FOXN4: variants seen among roughly 807,000 people sequenced by gnomAD.
FOXN4 encodes the protein forkhead box protein N4.
A neutral mutation model predicts 45.0 loss-of-function variants in FOXN4; 12 were observed. The observed-to-expected ratio is 0.27, with a 90% CI of 0.17 to 0.43. The LOEUF (loss-of-function observed/expected upper bound fraction) is 0.43. Among genes scored for constraint, FOXN4 ranks in the 20% least tolerant of loss-of-function variants. FOXN4 has a pLI of 1.00. For missense variants in FOXN4, 560 were observed against 694.9 expected (o/e 0.81, Z 2.18); for synonymous variants, 297 against 295.0 (o/e 1.01, Z -0.07).
chr12:109,284,179 T>C (rs536625531), intron 8 of FOXN4, among the ~76,000 whole-genome samples: 1 of 152,304 alleles, frequency 6.6e-6, no homozygotes, highest in East Asian at 1.9e-4. Context: ...GTGTAACCCA[T>C]GGTTGTGTAG....
At chr12:109,281,849 G>T in intron 8 of FOXN4, 50 bp from the exon 9 acceptor site, 1 of 1,507,356 alleles carries the variant, frequency 6.6e-7, no homozygotes, top group Non-Finnish European at 8.8e-7. Context: ...CAGTTACCGG[G>T]CCCCAGCCCA....
Position 109,281,786 on chromosome 12 carries a change from C to T in FOXN4, c.915G>A (p.Lys305=), listed in dbSNP as rs1173893151. The T allele has an allele frequency of 6.3e-7, 1 of 1,580,566 alleles. No homozygotes were observed. The highest frequency in any genetic ancestry group is 8.6e-7 in the Non-Finnish European group (1 of 1,166,354). The part of the protein sequence containing the change: ...RSMANPEELD[K]LISDRPESCR... ...AGCTTTCAGGCCGGTCGGAGATCAG[C>T]TTGTCCAACTCCTCTGCAGGCAAGT... The change falls in exon 9 of 10, where the codon AAG becomes AAA. Residue 305 remains lysine (K), a synonymous_variant. Transcript: ENST00000299162.
At chr12:109,293,851 C>A (rs1240312212) in intron 2 of FOXN4, among the ~76,000 whole-genome samples, 1 of 152,230 alleles carries the variant, frequency 6.6e-6, no homozygotes, top group Non-Finnish European at 1.5e-5. Flanking sequence ...ACGGTCACAT[C>A]TAGCTCTTTT....
intron 8 of FOXN4, among the ~76,000 whole-genome samples, chr12:109,283,345 TCTCA>T (rs1195325016): frequency 6.6e-6 from 1 of 152,184 alleles, no homozygotes; most frequent in African/African-American, 2.4e-5. Context: ...ATTCTCATTC[TCTCA>T]CTCGCTCTCT....
intron 2 of FOXN4, among the ~76,000 whole-genome samples, chr12:109,299,886 G>A (rs2047854099): frequency 6.6e-6 from 1 of 152,062 alleles, no homozygotes; most frequent in South Asian, 2.1e-4. Flanking sequence ...CCAGCCCCGG[G>A]TCCCCCTTTG....
rs1257672307 is a variant in FOXN4 at position 109,287,454 on chromosome 12, A to C, written c.539T>G (p.Val180Gly). The change falls in exon 6 of 10, where the codon GTG (valine) becomes GGG (glycine). Residue 180 changes from valine (V) to glycine (G), a missense_variant. This residue lies in a region of FOXN4 where 61 missense variants were observed against 59.8 expected (regional missense o/e 1.02). Coordinates refer to ENST00000299162, the MANE Select transcript of FOXN4 (RefSeq NM_213596.3). The surrounding 1 kb of genome is among the most constrained non-coding windows in gnomAD (Gnocchi z 4.1). ...GGGGTGCAGTTCTTGAGATGAATGC[A>C]CAGCCACGTGGGGCTGGGGGTAGGG... is the stretch of plus-strand genomic sequence containing the variant. The part of the protein sequence containing the change: ...RPPYPQPHVA[V>G]HSSQELHPKH... 1 of 1,551,396 alleles carries C rather than the reference A, an allele frequency of 6.4e-7. No homozygotes were observed. Among genetic ancestry groups the C allele is most frequent in the Non-Finnish European group, 8.7e-7 (1 of 1,146,822 alleles).
At chr12:109,286,835 C>T (rs1337095532) in intron 6 of FOXN4, 91 bp from the exon 7 acceptor site, 1 of 1,484,050 alleles carries the variant, frequency 6.7e-7, no homozygotes, top group Non-Finnish European at 8.9e-7. Context: ...AATGCCGCCT[C>T]TGCCAGGAAG....
intron 3 of FOXN4, among the ~76,000 whole-genome samples, chr12:109,289,693 A>AT (rs1367787516): frequency 3.9e-5 from 6 of 152,186 alleles, no homozygotes; most frequent in African/African-American, 7.2e-5. Context: ...AATCCTCTTG[A>AT]TCAGGGGGCA....
At chr12:109,301,116 G>A (rs1180313121) in intron 2 of FOXN4, among the ~76,000 whole-genome samples, 1 of 152,132 alleles carries the variant, frequency 6.6e-6, no homozygotes, top group African/African-American at 2.4e-5. Context: ...GTTGCTGGAG[G>A]GAGGAAAGAA....
At chr12:109,296,356 G>A (rs2047817011) in intron 2 of FOXN4, among the ~76,000 whole-genome samples, 1 of 152,172 alleles carries the variant, frequency 6.6e-6, no homozygotes, top group Non-Finnish European at 1.5e-5. Context: ...GTCCCGGCTG[G>A]GGCCAAATGT....
chr12:109,287,272 TC>T lies in FOXN4; in HGVS notation c.596+124del. ...CAAGTCCCACCTGGGGGTTCCCCAC[TC>T]CCCAAAACCTCCCCCTTGGAAGTCT... On this transcript the variant is annotated intron_variant, in intron 6 of 9. Coordinates refer to ENST00000299162, the MANE Select transcript of FOXN4 (RefSeq NM_213596.3). The surrounding 1 kb of genome is among the most constrained non-coding windows in gnomAD (Gnocchi z 4.1). The T allele has an allele frequency of 1.5e-6, 2 of 1,313,780 alleles. No individual in the cohort carries two copies. The highest frequency in any genetic ancestry group is 2.1e-6 in the Non-Finnish European group (2 of 964,628). The allele number at this position is 1,313,780 out of a possible 1,614,324, so 81.4% of individuals were successfully genotyped here.
rs181470540 is a variant in FOXN4, at chr12:109,291,202, G to A, written c.87-916C>T. 3.9e-4 allele frequency among the ~76,000 whole-genome samples: 60 copies of A among 152,136 alleles called. No homozygotes were observed. Among genetic ancestry groups the A allele is most frequent in the African/African-American group, 7.5e-4 (31 of 41,506 alleles). On this transcript the variant is annotated intron_variant, in intron 2 of 9. Transcript: ENST00000299162. This position sits in a 1 kb window ranked among gnomAD's most constrained non-coding sequence, Gnocchi z 6.6. ...TGCCCATGGAGGTGCCAGACAGGTC[G>A]GTGATTTGGGATAGCCATGTCACTC...
chr12:109,299,311 A>G (rs558663207), intron 2 of FOXN4, among the ~76,000 whole-genome samples: 4 of 152,238 alleles, frequency 2.6e-5, no homozygotes, highest in Admixed American at 2.0e-4. Context: ...ATGCACACAG[A>G]CACACACACG....
rs776310118 is a variant in FOXN4 at position 109,286,632 on chromosome 12, C to G, written c.693+16G>C. 10 of 1,599,914 alleles carry G rather than the reference C, an allele frequency of 6.3e-6. No homozygotes were observed. The South Asian group carries it at 7.9e-5, about 13-fold the overall frequency. ...CCAGGGCAGCTCCAGCACCCCTACC[C>G]TAGCTTGGGACTCACCTTGAAGTAG... On this transcript the variant is annotated intron_variant, in intron 7 of 9. Coordinates refer to ENST00000299162, the MANE Select transcript of FOXN4 (RefSeq NM_213596.3).
At chr12:109,304,145 C>T (rs1277953710) in intron 2 of FOXN4, among the ~76,000 whole-genome samples, 6 of 145,698 alleles carry the variant, frequency 4.1e-5, no homozygotes, top group South Asian at 4.4e-4. Flanking sequence ...GAGCTGAGAT[C>T]GCACCACTGC....
chr12:109,281,322 G>A, intron 9 of FOXN4, 85 bp downstream of exon 9: 1 of 1,510,408 alleles, frequency 6.6e-7, no homozygotes. Flanking sequence ...AATGCAGGCA[G>A]TACAGTCCTC....
At chr12:109,298,174 G>A (rs144169417) in intron 2 of FOXN4, among the ~76,000 whole-genome samples, 78 of 152,214 alleles carry the variant, frequency 5.1e-4, no homozygotes, top group East Asian at 2.9e-3. Context: ...TTGCAGGGAA[G>A]AGCTCTGTAA....
At position 109,305,107 on chromosome 12, in the gene FOXN4, G is replaced by C. The variant is rs148465996; in HGVS notation, c.86+3129C>G. On this transcript the variant is annotated intron_variant, in intron 2 of 9. Transcript: ENST00000299162. ...TCATGGCCAGTGGGACTTGGGGCCA[G>C]TGGTCACAAATGGTGGTTACAAATA... is the stretch of plus-strand genomic sequence containing the variant. 2.8e-3 allele frequency among the ~76,000 whole-genome samples: 434 copies of C among 152,300 alleles called. 4 individuals carry two copies. The highest frequency in any genetic ancestry group is 6.8e-3 in the Middle Eastern group (2 of 294).
In FOXN4 at chr12:109,287,524, A is replaced by G. The variant is rs759663462; in HGVS notation, c.469T>C (p.Cys157Arg). 6.6e-7 allele frequency: 1 copy of G among 1,525,194 alleles called. No homozygotes were observed. The highest frequency in any genetic ancestry group is 1.3e-5 in the South Asian group (1 of 79,170). 94.5% of individuals were successfully genotyped at this position (1,525,194 alleles called of 1,614,324 possible). A position where few individuals can be genotyped will look rare whatever the true frequency, so the allele number is the denominator to read the frequency against. Residue 157 changes from cysteine to arginine, a missense_variant and splice_region_variant, in exon 6 of 10, where the codon TGC (cysteine) becomes CGC (arginine). Cys to Arg is a radical substitution (Grantham distance 180, BLOSUM62 -3). Transcript: ENST00000299162. The surrounding 1 kb of genome is among the most constrained non-coding windows in gnomAD (Gnocchi z 4.1). ...QFPLPPGAQQ[C>R]PPVGLYGPPF... ...GGGCCATAGAGGCCCACAGGAGGGC[A>G]CTTCCCACAGGCAGGGGCAGGGAGA... is the stretch of plus-strand genomic sequence containing the variant.
Sources: gnomAD v4.1 joint callset for allele counts (sites outside exome capture counted in the v4.1 genomes callset) on GRCh38, gnomAD v4.1.1 for gene constraint, gnomAD v4.1.1 regional missense constraint, Gnocchi (gnomAD v3.1) non-coding constraint, MANE v1.5 for transcripts, NCBI Gene and HGNC (gene_info 2026-07-23, HGNC 2026-07-21) for gene names.